The following GALNT13 variants were observed in gnomAD, a reference collection of about 807,000 sequenced individuals.
GALNT13 encodes UDP-GalNAc:polypeptide N-acetylgalactosaminyltransferase 13.
GALNT13 carries 28 observed loss-of-function variants against 64.2 expected under a neutral mutation model. The observed-to-expected ratio is 0.44, with a 90% CI of 0.32 to 0.60. The LOEUF is 0.60. Ranked by LOEUF, GALNT13 falls within the 20% of genes least tolerant of loss-of-function variation. The pLI is 0.05. For missense variants in GALNT13, 577 were observed against 669.8 expected, an observed-to-expected ratio of 0.86 and a Z score of 1.53; for synonymous variants, 214 against 224.6, an observed-to-expected ratio of 0.95 and a Z score of 0.42.
At chr2:153,248,129 A>C in the GALNT13 span, among the ~76,000 whole-genome samples, 1 of 152,208 alleles carries the variant, frequency 6.6e-6, no homozygotes, top group Admixed American at 6.5e-5. Flanking sequence ...ATTCTACCGG[A>C]GGTACAAAGA....
the GALNT13 span, among the ~76,000 whole-genome samples, chr2:153,252,712 C>G: frequency 1.3e-5 from 2 of 152,156 alleles, no homozygotes; most frequent in Admixed American, 6.6e-5. Context: ...TTCTCAGCAC[C>G]ATTTACTAAA....
chr2:153,617,233 G>A, the GALNT13 span, among the ~76,000 whole-genome samples: 2 of 151,906 alleles, frequency 1.3e-5, no homozygotes, highest in Non-Finnish European at 1.5e-5. Context: ...GTTGAGATAT[G>A]TTCCTTCTGT....
intron 2 of GALNT13, among the ~76,000 whole-genome samples, chr2:153,907,255 T>C (rs998496977): frequency 4.6e-5 from 7 of 151,596 alleles, no homozygotes; most frequent in Non-Finnish European, 7.4e-5. Flanking sequence ...TGTTTAGAGG[T>C]CTTATGTATT....
At chr2:153,369,362 C>T in the GALNT13 span, among the ~76,000 whole-genome samples, 1 of 151,734 alleles carries the variant, frequency 6.6e-6, no homozygotes, top group African/African-American at 2.4e-5. Flanking sequence ...ATCGATGAAA[C>T]CAAAAGTTTG....
the GALNT13 span, among the ~76,000 whole-genome samples, chr2:153,214,597 G>A: frequency 5.3e-5 from 8 of 152,054 alleles, no homozygotes; most frequent in Non-Finnish European, 7.4e-5. Flanking sequence ...TAGGCCACAC[G>A]CTGCAATGTT....
the GALNT13 span, among the ~76,000 whole-genome samples, chr2:153,148,344 C>T: frequency 6.6e-6 from 1 of 151,828 alleles, no homozygotes; most frequent in African/African-American, 2.4e-5. Context: ...GGAATAATAT[C>T]AGTTTCCTAG....
chr2:153,862,336 A>G, the GALNT13 span, among the ~76,000 whole-genome samples: 1 of 141,044 alleles, frequency 7.1e-6, no homozygotes, highest in Admixed American at 7.6e-5. Flanking sequence ...TGGAGCAAAA[A>G]TACACTTAAA....
rs1039354666 is a variant in GALNT13, at chr2:154,450,720, A to G, written c.*169A>G. ...AGAAATGTTTGCTTATTTCCCTACT[A>G]AAATTTGTATCTGATCAAAGCACAT... is the stretch of plus-strand genomic sequence containing the variant. On this transcript the variant is annotated 3_prime_UTR_variant, in exon 13 of 13. Transcript: ENST00000392825. 1.7e-5 allele frequency: 10 copies of G among 597,504 alleles called. No homozygotes were observed. Among genetic ancestry groups the G allele is most frequent in the Non-Finnish European group, 2.5e-5 (9 of 359,602 alleles). The allele number at this position is 597,504 out of a possible 1,614,324, so 37.0% of individuals were successfully genotyped here. A position where few individuals can be genotyped will look rare whatever the true frequency, so the allele number is the denominator to read the frequency against.
the GALNT13 span, among the ~76,000 whole-genome samples, chr2:153,097,216 C>T: frequency 6.6e-6 from 1 of 152,054 alleles, no homozygotes; most frequent in Admixed American, 6.6e-5. Context: ...TTTTATTGTA[C>T]TGAATGTCTT....
chr2:153,216,379 CCAAA>C, the GALNT13 span, among the ~76,000 whole-genome samples: 4 of 152,014 alleles, frequency 2.6e-5, no homozygotes, highest in South Asian at 2.1e-4. Flanking sequence ...TAACAAGCCA[CCAAA>C]CAGTCTCCCA....
chr2:154,004,587 C>T (rs1021989242), intron 3 of GALNT13, among the ~76,000 whole-genome samples: 1 of 152,178 alleles, frequency 6.6e-6, no homozygotes, highest in African/African-American at 2.4e-5. Context: ...GCCTTTCTTA[C>T]TACATATTGT....
the GALNT13 span, among the ~76,000 whole-genome samples, chr2:153,383,253 A>T: frequency 1.3e-5 from 2 of 152,218 alleles, no homozygotes; most frequent in Admixed American, 6.5e-5. Context: ...ACATCTCCTA[A>T]GTGCTTAGTA....
intron 3 of GALNT13, among the ~76,000 whole-genome samples, chr2:153,983,336 T>A (rs1479796125): frequency 1.3e-5 from 2 of 151,890 alleles, no homozygotes; most frequent in Non-Finnish European, 2.9e-5. Flanking sequence ...TCAATTTTTT[T>A]ATTTTAAAAA....
chr2:153,649,399 T>A, the GALNT13 span, among the ~76,000 whole-genome samples: 1 of 151,852 alleles, frequency 6.6e-6, no homozygotes, highest in African/African-American at 2.4e-5. Context: ...ATTTTGTTGA[T>A]CTTTTCAAAA....
the GALNT13 span, among the ~76,000 whole-genome samples, chr2:153,144,068 T>C: frequency 6.6e-6 from 1 of 151,974 alleles, no homozygotes; most frequent in African/African-American, 2.4e-5. Context: ...GGTCATTGGA[T>C]AATTGGATAT....
the GALNT13 span, among the ~76,000 whole-genome samples, chr2:153,113,308 A>G: frequency 6.6e-6 from 1 of 151,994 alleles, no homozygotes; most frequent in Admixed American, 6.5e-5. Context: ...CTCTAGAAGT[A>G]TTTCCTTTGA....
chr2:153,870,222 T>C (rs985925080), upstream of GALNT13, among the ~76,000 whole-genome samples: 1 of 152,296 alleles, frequency 6.6e-6, no homozygotes, highest in East Asian at 1.9e-4. Flanking sequence ...GGTGATACTT[T>C]GGGACTACGT....
chr2:153,369,050 A>T, the GALNT13 span, among the ~76,000 whole-genome samples: 2 of 152,130 alleles, frequency 1.3e-5, no homozygotes, highest in African/African-American at 4.8e-5. Flanking sequence ...TTTGGAAATT[A>T]AGTATCATAC....
chr2:153,588,796 T>G, the GALNT13 span, among the ~76,000 whole-genome samples: 1 of 152,254 alleles, frequency 6.6e-6, no homozygotes, highest in African/African-American at 2.4e-5. Context: ...TCTGAACTTT[T>G]ATGCTGTGCT....
Sources: allele counts gnomAD v4.1 joint callset (sites outside exome capture counted in the v4.1 genomes callset), GRCh38; gene constraint gnomAD v4.1.1; transcripts MANE v1.5; gene names NCBI Gene and HGNC (gene_info 2026-07-23, HGNC 2026-07-21).